The following FSIP2 variants were observed in gnomAD, a reference collection of about 807,000 sequenced individuals.
FSIP2 encodes fibrous sheath interacting protein 2, also known as fibrous sheath-interacting protein 2.
FSIP2 carries 367 observed loss-of-function variants against 510.5 expected under a neutral mutation model. The observed-to-expected ratio is 0.72, with a 90% CI of 0.66 to 0.78. FSIP2 has a LOEUF of 0.78. FSIP2 is among the 30% of genes least tolerant of loss of function. The pLI, the probability that FSIP2 is intolerant of heterozygous loss-of-function variation, is 0.00. For synonymous variants in FSIP2, 2,601 were observed against 2,732.2 expected (o/e 0.95, Z 1.50); for missense variants, 7,594 against 7,901.7 (o/e 0.96, Z 1.48).
At position 185,801,411 on chromosome 2, in the gene FSIP2, T is replaced by G. The variant is rs1171037672; in HGVS notation, c.12105T>G (p.Phe4035Leu). 3.3e-6 allele frequency: 5 copies of G among 1,534,070 alleles called. No individual in the cohort carries two copies. Among genetic ancestry groups the G allele is most frequent in the Non-Finnish European group, 4.4e-6 (5 of 1,145,616 alleles). Residue 4035 changes from phenylalanine to leucine, a missense_variant, in exon 17 of 23, where the codon TTT becomes TTG. Coordinates refer to ENST00000424728, the MANE Select transcript of FSIP2 (RefSeq NM_173651.4). Reference sequence around the variant, plus strand: ...GGAATGCTGAAGAAAGGCTGTGTTTTCCACCAGTTCATACAGAAACTGTTA... The same window carrying G: ...GGAATGCTGAAGAAAGGCTGTGTTTGCCACCAGTTCATACAGAAACTGTTA... ...VLRNAEERLC[F>L]PPVHTETVSK...
chr2:185,782,630 C>A, intron 13 of FSIP2, 75 bp from the exon 14 acceptor site: 2 of 843,968 alleles, frequency 2.4e-6, no homozygotes, highest in Non-Finnish European at 3.9e-6. Flanking sequence ...AAATAAATAC[C>A]TACTGGAGGA....
chr2:185,827,548 G>T (rs1249393322), intron 20 of FSIP2, among the ~76,000 whole-genome samples: 1 of 151,778 alleles, frequency 6.6e-6, no homozygotes, highest in African/African-American at 2.4e-5. Flanking sequence ...TTCTTGTGAA[G>T]CTTCTCTCAC....
Position 185,803,100 on chromosome 2 carries a change from A to G in FSIP2, c.13794A>G (p.Leu4598=). 9 of 1,516,616 alleles carry G rather than the reference A, an allele frequency of 5.9e-6. No individual in the cohort carries two copies. In the Middle Eastern group the frequency reaches 5.1e-4, roughly 86 times the overall value. The allele number at this position is 1,516,616 out of a possible 1,614,324, so 93.9% of individuals were successfully genotyped here. The change falls in exon 17 of 23, where the codon TTA becomes TTG. Residue 4598 remains leucine (L), a synonymous_variant. Coordinates refer to ENST00000424728, the MANE Select transcript of FSIP2 (RefSeq NM_173651.4). Reference sequence around the variant, plus strand: ...AGCCATTTGTGAGTGGAAAATCATTATCTTCATCAGACACATATTTTGATG... The same window carrying G: ...AGCCATTTGTGAGTGGAAAATCATTGTCTTCATCAGACACATATTTTGATG... ...HLQPFVSGKS[L]SSSDTYFDDE...
intron 13 of FSIP2, among the ~76,000 whole-genome samples, chr2:185,776,115 C>T (rs1184613396): frequency 1.3e-5 from 2 of 152,006 alleles, no homozygotes; most frequent in Admixed American, 1.3e-4. Flanking sequence ...ACCTAAAGTA[C>T]AAAAACTTAG....
intron 13 of FSIP2, among the ~76,000 whole-genome samples, chr2:185,771,286 T>A (rs2105575853): frequency 6.6e-6 from 1 of 152,316 alleles, no homozygotes; most frequent in East Asian, 1.9e-4. Flanking sequence ...CAATCCCACA[T>A]TTCCCCTTGG....
Position 185,803,291 on chromosome 2 carries a change from T to C in FSIP2, c.13985T>C (p.Ile4662Thr). The change falls in exon 17 of 23, where the codon ATA (isoleucine) becomes ACA (threonine). Residue 4662 changes from isoleucine to threonine, a missense_variant. Ile to Thr is a moderately conservative substitution (Grantham distance 89). Coordinates refer to ENST00000424728, the MANE Select transcript of FSIP2 (RefSeq NM_173651.4). ...DELFEKAEEL[I>T]HLITGEFSKA... is the part of the protein sequence containing the mutation. ...CTGTTTGAGAAAGCTGAAGAACTCATACATTTGATTACAGGGGAATTCTCA... is the reference window on the plus strand; with the variant it reads ...CTGTTTGAGAAAGCTGAAGAACTCACACATTTGATTACAGGGGAATTCTCA... 3 of 1,526,240 alleles carry C rather than the reference T, an allele frequency of 2.0e-6. No individual in the cohort carries two copies. Among genetic ancestry groups the C allele is most frequent in the Non-Finnish European group, 2.6e-6 (3 of 1,142,728 alleles). The allele number at this position is 1,526,240 out of a possible 1,614,324, so 94.5% of individuals were successfully genotyped here.
intron 18 of FSIP2, among the ~76,000 whole-genome samples, chr2:185,814,417 G>A (rs554072456): frequency 6.6e-6 from 1 of 152,182 alleles, no homozygotes; most frequent in African/African-American, 2.4e-5. Context: ...AAGACTGGCT[G>A]AGGTAGGAGG....
At chr2:185,820,623 T>C (rs1253865527) in intron 19 of FSIP2, among the ~76,000 whole-genome samples, 1 of 151,536 alleles carries the variant, frequency 6.6e-6, no homozygotes, top group Non-Finnish European at 1.5e-5. Context: ...AGTCTGAATA[T>C]ATACAAAATA....
Position 185,794,018 on chromosome 2 carries a change from A to T in FSIP2, c.6882A>T (p.Gln2294His), listed in dbSNP as rs919697198. The change falls in exon 16 of 23, where the codon CAA becomes CAT. Residue 2294 changes from glutamine (Q) to histidine (H), a missense_variant. By Grantham distance (24) the Gln-to-His change is conservative. Coordinates refer to ENST00000424728, the MANE Select transcript of FSIP2 (RefSeq NM_173651.4). Reference protein sequence around the residue: ...FVIPELENCKQNDSIFYDSSQ... With the variant: ...FVIPELENCKHNDSIFYDSSQ... ...TCCCAGAATTGGAAAATTGTAAACA[A>T]AATGACAGCATCTTTTATGATTCAA... 6.5e-7 allele frequency: 1 copy of T among 1,533,834 alleles called. No individual in the cohort carries two copies.
At chr2:185,824,151 C>G (rs1693973101) in intron 19 of FSIP2, among the ~76,000 whole-genome samples, 1 of 151,720 alleles carries the variant, frequency 6.6e-6, no homozygotes, top group African/African-American at 2.4e-5. Context: ...AGTTCTGGAG[C>G]TGGATGGTAG....
At position 185,792,174 on chromosome 2, in the gene FSIP2, A is replaced by C; in HGVS notation, c.5038A>C (p.Lys1680Gln). ...CCCACCACCTGAGACTCAAATACTT[A>C]AGTATGTAGTCAAGTTAATTTTAGA... ...ENPPPETQILKYVVKLILDAV... is the reference protein window; with the variant it reads ...ENPPPETQILQYVVKLILDAV... The change falls in exon 16 of 23, where the codon AAG becomes CAG. Residue 1680 changes from lysine to glutamine, a missense_variant. Lys to Gln is a moderately conservative substitution (Grantham distance 53). Transcript: ENST00000424728. 2 of 1,532,168 alleles carry C rather than the reference A, an allele frequency of 1.3e-6. No individual in the cohort carries two copies. Among genetic ancestry groups the C allele is most frequent in the Non-Finnish European group, 1.7e-6 (2 of 1,144,594 alleles). The allele number at this position is 1,532,168 out of a possible 1,614,324, so 94.9% of individuals were successfully genotyped here.
chr2:185,804,015 C>T lies in FSIP2; in HGVS notation c.14709C>T (p.Ile4903=). 1.3e-6 allele frequency: 2 copies of T among 1,499,838 alleles called. No individual in the cohort carries two copies. Among genetic ancestry groups the T allele is most frequent in the Non-Finnish European group, 1.8e-6 (2 of 1,128,870 alleles). The allele number at this position is 1,499,838 out of a possible 1,614,324, so 92.9% of individuals were successfully genotyped here. A position where few individuals can be genotyped will look rare whatever the true frequency, so the allele number is the denominator to read the frequency against. Residue 4903 remains isoleucine, a synonymous_variant, in exon 17 of 23, where the codon ATC becomes ATT. Coordinates refer to ENST00000424728, the MANE Select transcript of FSIP2 (RefSeq NM_173651.4). The stretch of plus-strand genomic sequence containing the variant: ...TAGCGAGTTTTATAATAAAAGAAAT[C>T]TTTAACCATCATATTCAATCATTTT... ...SKIASFIIKE[I]FNHHIQSFLS... is the part of the protein sequence containing the mutation.
At position 185,793,909 on chromosome 2, in the gene FSIP2, T is replaced by G; in HGVS notation, c.6773T>G (p.Phe2258Cys). 6.6e-7 allele frequency: 1 copy of G among 1,526,360 alleles called. No individual in the cohort carries two copies. The highest frequency in any genetic ancestry group is 8.7e-7 in the Non-Finnish European group (1 of 1,143,438). 94.6% of individuals were successfully genotyped at this position (1,526,360 alleles called of 1,614,324 possible). The change falls in exon 16 of 23, where the codon TTT becomes TGT. Residue 2258 changes from phenylalanine (F) to cysteine (C), a missense_variant. Transcript: ENST00000424728. ...ENANFITKTI[F>C]KRLESFATER... is the part of the protein sequence containing the mutation. The stretch of plus-strand genomic sequence containing the variant: ...GCTAACTTCATTACTAAAACTATTT[T>G]TAAACGTTTGGAATCTTTTGCCACA...
In FSIP2 at chr2:185,756,228, T is replaced by A; in HGVS notation, c.1028T>A (p.Ile343Lys). ...PKNKKKTSED[I>K]MLVYPAGDQN... The stretch of plus-strand genomic sequence containing the variant: ...AATAAAAAGAAGACTTCTGAAGATA[T>A]AATGTTAGTTTATCCTGCTGGAGAC... The change falls in exon 9 of 23, where the codon ATA (isoleucine) becomes AAA (lysine). Residue 343 changes from isoleucine to lysine, a missense_variant. Physicochemically the swap from Ile to Lys is moderately radical, Grantham distance 102. Coordinates refer to ENST00000424728, the MANE Select transcript of FSIP2 (RefSeq NM_173651.4). 1.5e-6 allele frequency: 2 copies of A among 1,343,232 alleles called. No homozygotes were observed. Among genetic ancestry groups the A allele is most frequent in the Non-Finnish European group, 1.0e-6 (1 of 990,134 alleles). The allele number at this position is 1,343,232 out of a possible 1,614,324, so 83.2% of individuals were successfully genotyped here. A position where few individuals can be genotyped will look rare whatever the true frequency, so the allele number is the denominator to read the frequency against.
intron 13 of FSIP2, among the ~76,000 whole-genome samples, chr2:185,771,351 C>A (rs1574167337): frequency 6.6e-6 from 1 of 152,242 alleles, no homozygotes; most frequent in East Asian, 1.9e-4. Flanking sequence ...CAGGCTTCTG[C>A]CTGGACATCC....
intron 9 of FSIP2, among the ~76,000 whole-genome samples, chr2:185,760,043 T>G (rs1313096942): frequency 2.0e-5 from 3 of 150,912 alleles, no homozygotes; most frequent in Non-Finnish European, 4.5e-5. Flanking sequence ...TATTTTCAAA[T>G]TTATTGGCAT....
chr2:185,763,371 T>C, intron 12 of FSIP2, 82 bp downstream of exon 12: 1 of 698,528 alleles, frequency 1.4e-6, no homozygotes, highest in East Asian at 2.7e-5. Context: ...TAAAATGTCA[T>C]GATTTATGTA....
At position 185,807,696 on chromosome 2, in the gene FSIP2, G is replaced by A. The variant is rs1218395690; in HGVS notation, c.18390G>A (p.Leu6130=). The A allele has an allele frequency of 1.9e-6, 3 of 1,612,854 alleles. No homozygotes were observed. In the Admixed American group the frequency reaches 5.0e-5, roughly 27 times the overall value. Residue 6130 remains leucine, a synonymous_variant, in exon 17 of 23, where the codon CTG becomes CTA. Coordinates refer to ENST00000424728, the MANE Select transcript of FSIP2 (RefSeq NM_173651.4). The part of the protein sequence containing the change: ...LVLREVASNQ[L]QSYFCGELTP... ...TACGAGAAGTGGCTAGCAATCAGCT[G>A]CAGAGCTATTTTTGTGGAGAGCTAA...
In FSIP2 at chr2:185,800,472, A is replaced by G; in HGVS notation, c.11166A>G (p.Ile3722Met). 6.5e-7 allele frequency: 1 copy of G among 1,533,240 alleles called. No individual in the cohort carries two copies. 95.0% of individuals were successfully genotyped at this position (1,533,240 alleles called of 1,614,324 possible). The change falls in exon 17 of 23, where the codon ATA (isoleucine) becomes ATG (methionine). Residue 3722 changes from isoleucine (I) to methionine (M), a missense_variant. Transcript: ENST00000424728. The part of the protein sequence containing the change: ...CLDTGMDSGK[I>M]QRTYFYSSNN... ...ATACGGGTATGGATTCTGGTAAAAT[A>G]CAAAGAACATATTTCTACTCCTCGA...
Sources: allele counts gnomAD v4.1 joint callset (sites outside exome capture counted in the v4.1 genomes callset), GRCh38; gene constraint gnomAD v4.1.1; transcripts MANE v1.5; gene names NCBI Gene and HGNC (gene_info 2026-07-23, HGNC 2026-07-21).